The following GRM8 variants were observed in gnomAD, a reference collection of about 807,000 sequenced individuals.
The protein encoded by GRM8 is glutamate metabotropic receptor 8, also known as metabotropic glutamate receptor 8.
A neutral mutation model predicts 87.2 loss-of-function variants in GRM8; 47 were observed. The ratio of observed to expected loss-of-function variants is 0.54; its 90% confidence interval spans 0.43 to 0.69. The LOEUF (loss-of-function observed/expected upper bound fraction) is 0.69, where lower values mean the gene tolerates loss of function less well. Ranked by LOEUF, GRM8 falls within the 30% of genes least tolerant of loss-of-function variation. The pLI, the probability that GRM8 is intolerant of heterozygous loss-of-function variation, is 0.00. For synonymous variants in GRM8, 396 were observed against 404.5 expected, an observed-to-expected ratio of 0.98 and a Z score of 0.25; for missense variants, 1,019 against 1,139.2, an observed-to-expected ratio of 0.89 and a Z score of 1.52.
intron 3 of GRM8, among the ~76,000 whole-genome samples, chr7:127,080,194 T>TA (rs1054369228): frequency 4.6e-5 from 7 of 151,734 alleles, no homozygotes; most frequent in East Asian, 1.9e-4. Flanking sequence ...AAGGTCATCA[T>TA]AAAAAAAAGA....
At chr7:126,518,091 A>G (rs1053063004) in intron 9 of GRM8, among the ~76,000 whole-genome samples, 1 of 152,080 alleles carries the variant, frequency 6.6e-6, no homozygotes, top group Non-Finnish European at 1.5e-5. Flanking sequence ...AGTAGACACA[A>G]TGTCCTTCCC....
At chr7:126,606,420 A>G (rs1798351393) in intron 8 of GRM8, among the ~76,000 whole-genome samples, 1 of 152,208 alleles carries the variant, frequency 6.6e-6, no homozygotes, top group African/African-American at 2.4e-5. Context: ...TTACAACCAT[A>G]TAAGGTGGGT....
At chr7:126,930,012 G>C (rs1279566799) in intron 3 of GRM8, among the ~76,000 whole-genome samples, 1 of 152,120 alleles carries the variant, frequency 6.6e-6, no homozygotes, top group East Asian at 1.9e-4. Context: ...TAAGAATATA[G>C]AAGCTAAAGA....
chr7:126,542,153 T>C (rs1027041503), intron 8 of GRM8, among the ~76,000 whole-genome samples: 8 of 152,294 alleles, frequency 5.3e-5, no homozygotes, highest in Non-Finnish European at 1.0e-4. Context: ...TCCAGAACTA[T>C]GAGAAAATAA....
rs539111984 is a variant in GRM8, at chr7:127,222,650, G to A, written c.510+20045C>T. ...AGATCAGATTATTGACAAAATATCC[G>A]GAGAACTTATAACCTGCTTTGTAAC... On this transcript the variant is annotated intron_variant, in intron 2 of 10. Coordinates refer to ENST00000339582, the MANE Select transcript of GRM8 (RefSeq NM_000845.3). Among the ~76,000 whole-genome samples the A allele has an allele frequency of 7.6e-4, 115 of 152,152 alleles. 3 individuals carry two copies. Among genetic ancestry groups the A allele is most frequent in the Non-Finnish European group, 1.9e-4 (13 of 68,028 alleles).
chr7:127,161,398 G>A (rs1793108116), intron 2 of GRM8, among the ~76,000 whole-genome samples: 1 of 152,146 alleles, frequency 6.6e-6, no homozygotes, highest in Non-Finnish European at 1.5e-5. Context: ...TCCAGTCCTA[G>A]ATTTTCCCTC....
In GRM8 at chr7:126,528,582, CA is replaced by C. The variant is rs1438693203; in HGVS notation, c.2430+4369del. On this transcript the variant is annotated intron_variant, in intron 9 of 10. Coordinates refer to ENST00000339582, the MANE Select transcript of GRM8 (RefSeq NM_000845.3). ...GCAAAATAAATATGAGTTATTAGTA[CA>C]AAAAAACACACCATACAGAGACAAA... 2.7e-5 allele frequency among the ~76,000 whole-genome samples: 4 copies of C among 150,802 alleles called. No homozygotes were observed. In the East Asian group the frequency reaches 7.9e-4, roughly 30 times the overall value.
At chr7:126,822,530 GTCTC>G (rs989143017) in intron 6 of GRM8, among the ~76,000 whole-genome samples, 2 of 140,046 alleles carry the variant, frequency 1.4e-5, no homozygotes, top group Non-Finnish European at 1.5e-5. Flanking sequence ...TCCCTTCCTT[GTCTC>G]TCTCTTTCTT....
At chr7:127,133,411 C>T (rs1324133641) in intron 2 of GRM8, among the ~76,000 whole-genome samples, 1 of 151,486 alleles carries the variant, frequency 6.6e-6, no homozygotes, top group African/African-American at 2.4e-5. Flanking sequence ...CAGTGAGAGT[C>T]TGTCTCAAAA....
chr7:127,224,097 G>A (rs1263144592), intron 2 of GRM8, among the ~76,000 whole-genome samples: 1 of 152,046 alleles, frequency 6.6e-6, no homozygotes, highest in Non-Finnish European at 1.5e-5. Flanking sequence ...AGATGTTAAA[G>A]GTAGGTCATC....
chr7:127,156,975 GA>G (rs1792769442), intron 2 of GRM8, among the ~76,000 whole-genome samples: 1 of 152,082 alleles, frequency 6.6e-6, no homozygotes, highest in South Asian at 2.1e-4. Context: ...AAAGAAAAAA[GA>G]TATAAAGTGT....
intron 9 of GRM8, among the ~76,000 whole-genome samples, chr7:126,518,614 T>C (rs1421705550): frequency 6.6e-6 from 1 of 152,080 alleles, no homozygotes; most frequent in Admixed American, 6.6e-5. Context: ...GCTATGTTGA[T>C]GTGAATGCAA....
chr7:127,073,824 T>C (rs1277195887), intron 3 of GRM8, among the ~76,000 whole-genome samples: 1 of 152,164 alleles, frequency 6.6e-6, no homozygotes, highest in Non-Finnish European at 1.5e-5. Context: ...ATATATATAA[T>C]AAGACTGTGC....
chr7:127,244,644 T>A (rs146029224), intron 1 of GRM8, among the ~76,000 whole-genome samples: 1 of 152,320 alleles, frequency 6.6e-6, no homozygotes, highest in East Asian at 1.9e-4. Context: ...ACAGTTCTCC[T>A]GTACCCTAGC....
chr7:127,213,605 C>A (rs1389302927), intron 2 of GRM8, among the ~76,000 whole-genome samples: 1 of 152,106 alleles, frequency 6.6e-6, no homozygotes, highest in East Asian at 1.9e-4. Flanking sequence ...TAATTTTATC[C>A]TTTATCTCTT....
At chr7:127,083,636 T>A (rs1388722069) in intron 3 of GRM8, among the ~76,000 whole-genome samples, 1 of 150,104 alleles carries the variant, frequency 6.7e-6, no homozygotes, top group Non-Finnish European at 1.5e-5. Context: ...ACTCCTTGCA[T>A]CCTACCTAAC....
chr7:126,566,005 C>T (rs1184538299), intron 8 of GRM8, among the ~76,000 whole-genome samples: 1 of 152,080 alleles, frequency 6.6e-6, no homozygotes, highest in Non-Finnish European at 1.5e-5. Context: ...AAAACTGGCA[C>T]TTTTATTATT....
At chr7:126,682,193 G>T (rs1807664757) in intron 7 of GRM8, among the ~76,000 whole-genome samples, 1 of 152,110 alleles carries the variant, frequency 6.6e-6, no homozygotes, top group Non-Finnish European at 1.5e-5. Context: ...AGTCCCTTTA[G>T]ATCAGAGATA....
At chr7:126,830,678 C>T (rs542751613) in intron 6 of GRM8, among the ~76,000 whole-genome samples, 11 of 152,242 alleles carry the variant, frequency 7.2e-5, no homozygotes, top group South Asian at 2.1e-4. Context: ...GTAGTTTGAT[C>T]GTCTGAAGCC....
Sources: allele counts gnomAD v4.1 joint callset (sites outside exome capture counted in the v4.1 genomes callset), GRCh38; gene constraint gnomAD v4.1.1; transcripts MANE v1.5; gene names NCBI Gene and HGNC (gene_info 2026-07-23, HGNC 2026-07-21).